ZNF559: variants seen among roughly 807,000 people sequenced by gnomAD.
The protein encoded by ZNF559 is putative protein product of Nbla00121.
ZNF559 carries 17 observed loss-of-function variants against 14.2 expected under a neutral mutation model. That is an observed-to-expected ratio of 1.20 (90% confidence interval 0.82 to 1.80). The LOEUF is 1.80. ZNF559 is among the 40% of genes most tolerant of loss of function. The pLI, the probability that ZNF559 is intolerant of heterozygous loss-of-function variation, is 0.00. For missense variants in ZNF559, 740 were observed against 629.7 expected, an observed-to-expected ratio of 1.18 and a Z score of -1.88; for synonymous variants, 244 against 212.4, an observed-to-expected ratio of 1.15 and a Z score of -1.29.
At position 9,343,214 on chromosome 19, in the gene ZNF559, A is replaced by G. The variant is rs2067658169; in HGVS notation, c.*146A>G. 10 of 1,455,800 alleles carry G rather than the reference A, an allele frequency of 6.9e-6. No homozygotes were observed. The South Asian group carries it at 1.5e-4, about 21-fold the overall frequency. The allele number at this position is 1,455,800 out of a possible 1,614,324, so 90.2% of individuals were successfully genotyped here. A position where few individuals can be genotyped will look rare whatever the true frequency, so the allele number is the denominator to read the frequency against. On this transcript the variant is annotated 3_prime_UTR_variant, in exon 7 of 7. Coordinates refer to ENST00000603380, the MANE Select transcript of ZNF559 (RefSeq NM_032497.3). ...TGTCTCAGATCTTAACAATTCCAAT[A>G]GAAGAGAAGACATATGAATGTAAGG...
intron 2 of ZNF559, among the ~76,000 whole-genome samples, chr19:9,330,716 G>A (rs990563706): frequency 1.3e-5 from 2 of 151,996 alleles, no homozygotes; most frequent in Non-Finnish European, 2.9e-5. Context: ...CTGACCTATA[G>A]TTATGTATCT....
chr19:9,335,416 T>G (rs1345197754), intron 2 of ZNF559, among the ~76,000 whole-genome samples: 1 of 152,114 alleles, frequency 6.6e-6, no homozygotes, highest in African/African-American at 2.4e-5. Flanking sequence ...GCTGTGAGCT[T>G]GATCCTACTA....
intron 1 of ZNF559, 67 bp from the exon 2 acceptor site, chr19:9,324,628 C>G (rs932680311): frequency 3.7e-5 from 34 of 925,336 alleles, no homozygotes; most frequent in Non-Finnish European, 4.7e-5. Flanking sequence ...ACCCCCCCCC[C>G]CAACCATCTC....
intron 2 of ZNF559, among the ~76,000 whole-genome samples, chr19:9,333,413 C>T (rs2067042901): frequency 6.6e-6 from 1 of 152,084 alleles, no homozygotes; most frequent in South Asian, 2.1e-4. Flanking sequence ...AAAAATAATT[C>T]CAAAGGAAGC....
intron 2 of ZNF559, among the ~76,000 whole-genome samples, chr19:9,325,923 C>A (rs920611639): frequency 2.0e-5 from 3 of 151,926 alleles, no homozygotes; most frequent in African/African-American, 7.3e-5. Flanking sequence ...AAGCGTGTAT[C>A]TCAAATACCT....
At chr19:9,336,679 TG>T (rs1177686917) in intron 2 of ZNF559, among the ~76,000 whole-genome samples, 1 of 152,200 alleles carries the variant, frequency 6.6e-6, no homozygotes, top group African/African-American at 2.4e-5. Context: ...GGACATTTTT[TG>T]TATAGTTGAC....
intron 3 of ZNF559, 62 bp from the exon 4 acceptor site, chr19:9,338,432 G>C: frequency 1.6e-6 from 2 of 1,286,722 alleles, no homozygotes; most frequent in Non-Finnish European, 2.2e-6. Context: ...GTGGCTTCTT[G>C]CCTTGTGAGT....
intron 2 of ZNF559, 63 bp from the exon 3 acceptor site, chr19:9,337,733 T>C (rs1263955764): frequency 3.0e-5 from 37 of 1,224,346 alleles, no homozygotes; most frequent in Non-Finnish European, 1.6e-5. Flanking sequence ...GATTTGTTAT[T>C]ATTTATGTCC....
intron 2 of ZNF559, among the ~76,000 whole-genome samples, chr19:9,335,013 G>A (rs2067151287): frequency 6.6e-6 from 1 of 152,036 alleles, no homozygotes; most frequent in African/African-American, 2.4e-5. Context: ...GTGGGCGCCT[G>A]TAGTCCCAGC....
Position 9,333,976 on chromosome 19 carries a change from A to C in ZNF559, c.-119-3820A>C, listed in dbSNP as rs565331701. The stretch of plus-strand genomic sequence containing the variant: ...CACATATATCAGAATGGCTAAATCC[A>C]AAAAGAGTTACGAGATGTTGAAGAG... On this transcript the variant is annotated intron_variant, in intron 2 of 6. Coordinates refer to ENST00000603380, the MANE Select transcript of ZNF559 (RefSeq NM_032497.3). Among the ~76,000 whole-genome samples the C allele has an allele frequency of 2.4e-3, 220 of 93,280 alleles. 3 individuals are homozygous for C. Among genetic ancestry groups the C allele is most frequent in the African/African-American group, 0.012 (210 of 18,198 alleles). 61.2% of individuals were successfully genotyped at this position (93,280 alleles called of 152,430 possible).
intron 5 of ZNF559, among the ~76,000 whole-genome samples, 190 bp downstream of exon 5, chr19:9,339,509 A>G (rs4442926): frequency 0.61 from 92,621 of 151,918 alleles, 28,854 homozygotes; most frequent in African/African-American, 0.73. Flanking sequence ...TTCTAGCTTT[A>G]TTTTCTCCAT....
At chr19:9,339,092 A>G (rs1302424757) in intron 4 of ZNF559, 101 bp from the exon 5 acceptor site, 3 of 1,542,652 alleles carry the variant, frequency 1.9e-6, no homozygotes, top group African/African-American at 1.4e-5. Flanking sequence ...ATAGGAGACC[A>G]AAGAGTCTTG....
At chr19:9,324,626 C>CG in intron 1 of ZNF559, 69 bp from the exon 2 acceptor site, 3 of 1,041,296 alleles carry the variant, frequency 2.9e-6, no homozygotes, top group South Asian at 1.5e-5. Context: ...AGACCCCCCC[C>CG]CCCAACCATC....
chr19:9,339,083 T>TAG, intron 4 of ZNF559, 110 bp from the exon 5 acceptor site: 1 of 1,468,250 alleles, frequency 6.8e-7, no homozygotes, highest in South Asian at 1.2e-5. Context: ...CATCAAGTGA[T>TAG]AGGAGACCAA....
Position 9,342,889 on chromosome 19 carries a change from C to T in ZNF559, c.1438C>T (p.Leu480Phe). 1 of 1,614,072 alleles carries T rather than the reference C, an allele frequency of 6.2e-7. No homozygotes were observed. The highest frequency in any genetic ancestry group is 8.5e-7 in the Non-Finnish European group (1 of 1,180,014). ...CGQAFSISSGLTVHMRTHTGE... is the reference protein window; with the variant it reads ...CGQAFSISSGFTVHMRTHTGE... Reference sequence around the variant, plus strand: ...GCAAGCCTTCAGTATCTCATCAGGCCTTACAGTACACATGAGAACTCACAC... The same window carrying T: ...GCAAGCCTTCAGTATCTCATCAGGCTTTACAGTACACATGAGAACTCACAC... Residue 480 changes from leucine (L) to phenylalanine (F), a missense_variant, in exon 7 of 7, where the codon CTT becomes TTT. Coordinates refer to ENST00000603380, the MANE Select transcript of ZNF559 (RefSeq NM_032497.3).
In ZNF559 at chr19:9,324,227, AG is replaced by A; in HGVS notation, c.-206+1del. The stretch of plus-strand genomic sequence containing the variant: ...AACAGCGCGTTCCCGTTGGCGTCTG[AG>A]GTAAGTTTTTGTTTCTGGGCGGCGT... On this transcript the variant is annotated splice_region_variant and 5_prime_UTR_variant, in exon 1 of 7. The change creates a premature stop within an existing upstream ORF in the 5' untranslated region. Transcript: ENST00000603380. The A allele has an allele frequency of 6.5e-7, 1 of 1,535,924 alleles. No individual in the cohort carries two copies. The highest frequency in any genetic ancestry group is 8.7e-7 in the Non-Finnish European group (1 of 1,146,846).
chr19:9,329,238 C>T (rs1251893413), intron 2 of ZNF559, among the ~76,000 whole-genome samples: 2 of 152,060 alleles, frequency 1.3e-5, no homozygotes, highest in Non-Finnish European at 2.9e-5. Flanking sequence ...TATTTATATA[C>T]AATATGATTG....
In ZNF559 at chr19:9,345,693, T is replaced by TCC. The variant is rs2067711953; in HGVS notation, c.*2627_*2628dup. ...TATAGAGACAGGGTTTTACTCTGTC[T>TCC]CCCAGGCTGAAGTGCGTGGCACGAT... On this transcript the variant is annotated 3_prime_UTR_variant, in exon 7 of 7. Coordinates refer to ENST00000603380, the MANE Select transcript of ZNF559 (RefSeq NM_032497.3). 6.6e-6 allele frequency: 1 copy of TCC among 151,490 alleles called. No homozygotes were observed. Among genetic ancestry groups the TCC allele is most frequent in the East Asian group, 1.9e-4 (1 of 5,192 alleles). 9.4% of individuals were successfully genotyped at this position (151,490 alleles called of 1,614,324 possible).
At chr19:9,341,000 C>G in intron 5 of ZNF559, 102 bp from the exon 6 acceptor site, 1 of 851,090 alleles carries the variant, frequency 1.2e-6, no homozygotes, top group Non-Finnish European at 1.9e-6. Context: ...ATATTTCAAG[C>G]CAGTGTTTGA....
Sources: gnomAD v4.1 joint callset for allele counts (sites outside exome capture counted in the v4.1 genomes callset) on GRCh38, gnomAD v4.1.1 for gene constraint, MANE v1.5 for transcripts, NCBI Gene and HGNC (gene_info 2026-07-23, HGNC 2026-07-21) for gene names.